Variants in SBSPON observed in about 807,000 individuals in gnomAD.
SBSPON encodes somatomedin-B and thrombospondin type-1 domain-containing protein.
Under a neutral mutation model 35.8 loss-of-function variants are expected in SBSPON, and 30 were observed. That is an observed-to-expected ratio of 0.84 (90% CI 0.63 to 1.14). The LOEUF is 1.14. Among genes scored for constraint, SBSPON ranks in the 50% most tolerant of loss-of-function variants. SBSPON has a pLI of 0.00. For missense variants in SBSPON, 364 were observed against 357.7 expected (o/e 1.02, Z -0.14); for synonymous variants, 136 against 135.9 (o/e 1.00, Z 0.00).
intron 4 of SBSPON, among the ~76,000 whole-genome samples, chr8:73,067,763 A>G (rs975812577): frequency 4.5e-5 from 3 of 66,612 alleles, no homozygotes; most frequent in Non-Finnish European, 9.5e-5. Context: ...GCTGATCTCA[A>G]ACTCCTGGGT....
intron 2 of SBSPON, among the ~76,000 whole-genome samples, chr8:73,073,487 G>A (rs756976132): frequency 1.3e-5 from 2 of 152,080 alleles, no homozygotes; most frequent in Non-Finnish European, 2.9e-5. Flanking sequence ...TCTTAATGAG[G>A]AGTTATTTTT....
intron 2 of SBSPON, chr8:73,074,432 C>T (rs541736133): frequency 5.3e-6 from 1 of 189,948 alleles, no homozygotes; most frequent in Non-Finnish European, 9.7e-6. Context: ...TTCTCACAAG[C>T]CTCTTGAGAT....
At chr8:73,068,538 T>C (rs1263348662) in intron 4 of SBSPON, among the ~76,000 whole-genome samples, 1 of 152,244 alleles carries the variant, frequency 6.6e-6, no homozygotes. Context: ...TTGACTCTTC[T>C]TTTAGTTTTG....
At chr8:73,088,402 G>A (rs986899076) in intron 1 of SBSPON, among the ~76,000 whole-genome samples, 1 of 152,188 alleles carries the variant, frequency 6.6e-6, no homozygotes, top group Admixed American at 6.5e-5. Flanking sequence ...GGAAAAGAGG[G>A]CCAGGCACCC....
chr8:73,072,662 C>A (rs996721366), intron 2 of SBSPON, among the ~76,000 whole-genome samples: 1 of 152,138 alleles, frequency 6.6e-6, no homozygotes, highest in African/African-American at 2.4e-5. Flanking sequence ...GAGTGAAACT[C>A]CGTCTCAAAA....
chr8:73,073,603 C>G (rs564670173), intron 2 of SBSPON, among the ~76,000 whole-genome samples: 2 of 152,222 alleles, frequency 1.3e-5, no homozygotes, highest in South Asian at 4.1e-4. Flanking sequence ...GCCAGGAGAT[C>G]AAGACCAGCC....
At position 73,064,803 on chromosome 8, in the gene SBSPON, C is replaced by G. The variant is rs1273047350; in HGVS notation, c.*2538G>C. On this transcript the variant is annotated 3_prime_UTR_variant, in exon 5 of 5. Transcript: ENST00000297354. ...TTTCTCTTCAAAAATGGCCATTATC[C>G]CTTGCTTCTTTTCCCTTCTTTCCTG... The G allele has an allele frequency of 6.6e-6, 1 of 151,598 alleles. No individual in the cohort carries two copies. The highest frequency in any genetic ancestry group is 1.5e-5 in the Non-Finnish European group (1 of 67,934). 9.4% of individuals were successfully genotyped at this position (151,598 alleles called of 1,614,324 possible). A position where few individuals can be genotyped will look rare whatever the true frequency, so the allele number is the denominator to read the frequency against.
At chr8:73,078,980 G>A (rs1210220007) in intron 2 of SBSPON, among the ~76,000 whole-genome samples, 2 of 152,058 alleles carry the variant, frequency 1.3e-5, no homozygotes, top group African/African-American at 4.8e-5. Flanking sequence ...TCGCATGCAG[G>A]CCTTGTGCTC....
In SBSPON at chr8:73,081,114, G is replaced by A. The variant is rs1265032726; in HGVS notation, c.314C>T (p.Pro105Leu). ...RVRRRSVQQE[P>L]QNGGAPCPPL... The stretch of plus-strand genomic sequence containing the variant: ...TGGGCAGGGCGCCCCGCCGTTCTGA[G>A]GCTCCTGCTGCACCGAGCGCCTCCG... Residue 105 changes from proline to leucine, a missense_variant, in exon 2 of 5, where the codon CCT becomes CTT. By Grantham distance (98) the Pro-to-Leu change is moderately conservative. Coordinates refer to ENST00000297354, the MANE Select transcript of SBSPON (RefSeq NM_153225.4). 14 of 1,613,302 alleles carry A rather than the reference G, an allele frequency of 8.7e-6. No individual in the cohort carries two copies. The highest frequency in any genetic ancestry group is 5.3e-5 in the African/African-American group (4 of 74,886).
intron 2 of SBSPON, chr8:73,074,519 A>G (rs1427382929): frequency 2.5e-5 from 23 of 911,286 alleles, no homozygotes; most frequent in Non-Finnish European, 2.9e-5. Context: ...TAAGGCTCAC[A>G]TCTAAATATA....
chr8:73,073,106 C>T (rs992528880), intron 2 of SBSPON, among the ~76,000 whole-genome samples: 1 of 152,220 alleles, frequency 6.6e-6, no homozygotes, highest in African/African-American at 2.4e-5. Flanking sequence ...TTGTCCATCA[C>T]TATAGCTTCA....
At chr8:73,071,634 C>A (rs1351234946) in intron 3 of SBSPON, 146 bp downstream of exon 3, 2 of 591,994 alleles carry the variant, frequency 3.4e-6, no homozygotes, top group Non-Finnish European at 6.0e-6. Context: ...AGTATTTTCC[C>A]AACTCTGATG....
intron 1 of SBSPON, among the ~76,000 whole-genome samples, chr8:73,087,421 A>G (rs1171803477): frequency 6.6e-6 from 1 of 152,188 alleles, no homozygotes; most frequent in Non-Finnish European, 1.5e-5. Flanking sequence ...AGGAAATGTG[A>G]AGTGTTAACA....
intron 1 of SBSPON, 83 bp downstream of exon 1, chr8:73,092,771 G>A (rs1810959967): frequency 9.3e-7 from 1 of 1,072,172 alleles, no homozygotes; most frequent in Non-Finnish European, 1.4e-6. Flanking sequence ...CTCAGGGACT[G>A]AGGTCCTTGG....
At chr8:73,085,696 A>AT (rs1250964048) in intron 1 of SBSPON, 1 of 152,142 alleles carries the variant, frequency 6.6e-6, no homozygotes, top group African/African-American at 2.4e-5. Context: ...GTCATTTAAA[A>AT]ATATATATAT....
chr8:73,081,997 G>T (rs1810716523), intron 1 of SBSPON, among the ~76,000 whole-genome samples: 1 of 152,170 alleles, frequency 6.6e-6, no homozygotes, highest in African/African-American at 2.4e-5. Context: ...GGGCTCAGCT[G>T]GTTTCTCAGC....
intron 4 of SBSPON, among the ~76,000 whole-genome samples, chr8:73,069,058 T>A (rs537356512): frequency 1.3e-5 from 2 of 152,252 alleles, no homozygotes; most frequent in African/African-American, 4.8e-5. Flanking sequence ...GTCAAAAATA[T>A]CTACTCTCTG....
intron 4 of SBSPON, 139 bp from the exon 5 acceptor site, chr8:73,067,597 A>G: frequency 3.1e-5 from 1 of 31,870 alleles, no homozygotes; most frequent in Non-Finnish European, 5.5e-5. Flanking sequence ...TACTATATAT[A>G]TATATATATA....
chr8:73,092,962 A>G lies in SBSPON; in HGVS notation c.106T>C (p.Cys36Arg), dbSNP rs753075950. ...GRCCPGRDPACFARGWRLDRV... is the reference protein window; with the variant it reads ...GRCCPGRDPARFARGWRLDRV... ...TCCAGCCTCCAGCCGCGGGCGAAGC[A>G]GGCGGGGTCCCGGCCGGGACAGCAG... Residue 36 changes from cysteine (C) to arginine (R), a missense_variant, in exon 1 of 5, where the codon TGC (cysteine) becomes CGC (arginine). Cys to Arg is a radical substitution (Grantham distance 180, BLOSUM62 -3). Transcript: ENST00000297354. The G allele has an allele frequency of 5.6e-6, 9 of 1,600,440 alleles. No individual in the cohort carries two copies. Among genetic ancestry groups the G allele is most frequent in the Non-Finnish European group, 7.7e-6 (9 of 1,175,348 alleles).
Sources: allele counts gnomAD v4.1 joint callset (sites outside exome capture counted in the v4.1 genomes callset), GRCh38; gene constraint gnomAD v4.1.1; transcripts MANE v1.5; gene names NCBI Gene and HGNC (gene_info 2026-07-23, HGNC 2026-07-21).